PDK1: variants seen among roughly 807,000 people sequenced by gnomAD.
PDK1 encodes the protein pyruvate dehydrogenase kinase 1.
PDK1 carries 39 observed loss-of-function variants against 54.2 expected under a neutral mutation model. That is an observed-to-expected ratio of 0.72 (90% confidence interval 0.56 to 0.94). The LOEUF is 0.94. PDK1 is among the 40% of genes least tolerant of loss of function. The pLI, the probability that PDK1 is intolerant of heterozygous loss-of-function variation, is 0.00. For synonymous variants in PDK1, 221 were observed against 207.1 expected, an observed-to-expected ratio of 1.07 and a Z score of -0.58; for missense variants, 552 against 566.0, an observed-to-expected ratio of 0.98 and a Z score of 0.25.
chr2:172,660,021 A>G, the PDK1 span, among the ~76,000 whole-genome samples: 3 of 152,096 alleles, frequency 2.0e-5, no homozygotes, highest in African/African-American at 7.2e-5. Context: ...CTGATGCTGC[A>G]TGGGGGTTCT....
At chr2:172,710,760 T>G in the PDK1 span, among the ~76,000 whole-genome samples, 1 of 152,340 alleles carries the variant, frequency 6.6e-6, no homozygotes, top group Non-Finnish European at 1.5e-5. Flanking sequence ...GTTCTCAACC[T>G]TTTATTCTTT....
At chr2:172,686,589 G>C in the PDK1 span, among the ~76,000 whole-genome samples, 3 of 152,332 alleles carry the variant, frequency 2.0e-5, no homozygotes, top group South Asian at 6.2e-4. Flanking sequence ...GGCCACCCCA[G>C]CCTGCAGCAG....
At chr2:172,687,347 A>T in the PDK1 span, among the ~76,000 whole-genome samples, 77 of 150,402 alleles carry the variant, frequency 5.1e-4, no homozygotes, top group Non-Finnish European at 6.4e-4. Context: ...TTTTTTTTTT[A>T]AAAAAACATA....
chr2:172,710,951 A>G, the PDK1 span, among the ~76,000 whole-genome samples: 9 of 152,234 alleles, frequency 5.9e-5, no homozygotes, highest in Admixed American at 5.9e-4. Flanking sequence ...CTCTGAGTGT[A>G]ACCTGATACA....
Position 172,608,527 on chromosome 2 carries a change from C to G in PDK1, c.*12558C>G, listed in dbSNP as rs1691367326. On this transcript the variant is annotated 3_prime_UTR_variant, in exon 11 of 11. Transcript: ENST00000282077. ...GTACAACTGTTTATCATTCACTCTG[C>G]TGTAAGTCTATGTGAAACCAAATCC... 1 of 152,172 alleles carries G rather than the reference C, an allele frequency of 6.6e-6. No homozygotes were observed. The allele number at this position is 152,172 out of a possible 1,614,324, so 9.4% of individuals were successfully genotyped here.
At chr2:172,713,736 A>G in the PDK1 span, among the ~76,000 whole-genome samples, 1 of 152,252 alleles carries the variant, frequency 6.6e-6, no homozygotes, top group African/African-American at 2.4e-5. Flanking sequence ...AGGGATGCCC[A>G]GGTCCTGCAG....
the PDK1 span, among the ~76,000 whole-genome samples, chr2:172,685,995 G>T: frequency 1.3e-5 from 2 of 152,244 alleles, no homozygotes; most frequent in South Asian, 4.1e-4. Context: ...AATTTACAGG[G>T]TTTCTACAAA....
At chr2:172,641,627 A>G in the PDK1 span, among the ~76,000 whole-genome samples, 2 of 151,944 alleles carry the variant, frequency 1.3e-5, no homozygotes, top group Admixed American at 6.6e-5. Flanking sequence ...ACTTTTTAGT[A>G]CAGATGGGGT....
At chr2:172,659,978 A>C in the PDK1 span, among the ~76,000 whole-genome samples, 4 of 152,154 alleles carry the variant, frequency 2.6e-5, no homozygotes. Flanking sequence ...GCCATCTAGC[A>C]GGAATGTGAG....
At chr2:172,646,503 G>A in the PDK1 span, among the ~76,000 whole-genome samples, 4 of 85,764 alleles carry the variant, frequency 4.7e-5, no homozygotes, top group African/African-American at 1.0e-4. Context: ...ACACATCGAA[G>A]GCAAAAAAAA....
the PDK1 span, among the ~76,000 whole-genome samples, chr2:172,706,783 T>C: frequency 6.6e-6 from 1 of 152,224 alleles, no homozygotes; most frequent in South Asian, 2.1e-4. Flanking sequence ...CTGGCACTTA[T>C]TTGAGCTTTC....
At chr2:172,701,465 T>C in the PDK1 span, among the ~76,000 whole-genome samples, 1 of 152,204 alleles carries the variant, frequency 6.6e-6, no homozygotes, top group Non-Finnish European at 1.5e-5. Context: ...GGATGGTTGA[T>C]GCAGGAGTCA....
chr2:172,661,527 T>TA, the PDK1 span, among the ~76,000 whole-genome samples: 1 of 152,194 alleles, frequency 6.6e-6, no homozygotes, highest in Admixed American at 6.5e-5. Context: ...TTGGAGTTTT[T>TA]ACATCATAGA....
At chr2:172,699,310 G>A in the PDK1 span, among the ~76,000 whole-genome samples, 1 of 152,192 alleles carries the variant, frequency 6.6e-6, no homozygotes. Context: ...CTTATCAAGA[G>A]AATAATTATC....
the PDK1 span, among the ~76,000 whole-genome samples, chr2:172,702,475 TA>T: frequency 4.6e-3 from 653 of 141,106 alleles, 1 homozygote; most frequent in East Asian, 5.9e-3. Flanking sequence ...AGACTTTGTT[TA>T]AAAAAAAAAA....
At chr2:172,646,337 C>T in the PDK1 span, among the ~76,000 whole-genome samples, 4 of 152,166 alleles carry the variant, frequency 2.6e-5, no homozygotes, top group Admixed American at 1.3e-4. Context: ...AAATGGTGCT[C>T]TGTGGTGGAA....
At chr2:172,571,823 CTTTTTTTTTT>C (rs36031428) in intron 8 of PDK1, among the ~76,000 whole-genome samples, 2 of 99,784 alleles carry the variant, frequency 2.0e-5, no homozygotes, top group African/African-American at 7.8e-5. Flanking sequence ...TCTTTCTTTA[CTTTTTTTTTT>C]TTTTTTTTTT....
At chr2:172,557,993 G>A (rs535214926) in intron 1 of PDK1, among the ~76,000 whole-genome samples, 16 of 151,758 alleles carry the variant, frequency 1.1e-4, no homozygotes, top group South Asian at 2.1e-4. Context: ...CACCACGCCC[G>A]GCTATTTTTT....
the PDK1 span, among the ~76,000 whole-genome samples, chr2:172,614,584 G>C: frequency 6.6e-6 from 1 of 152,212 alleles, no homozygotes; most frequent in African/African-American, 2.4e-5. Flanking sequence ...ACATCTGAAT[G>C]ACTTGCCTGC....
Sources: gnomAD v4.1 joint callset for allele counts (sites outside exome capture counted in the v4.1 genomes callset) on GRCh38, gnomAD v4.1.1 for gene constraint, MANE v1.5 for transcripts, NCBI Gene and HGNC (gene_info 2026-07-23, HGNC 2026-07-21) for gene names.